The following SLC35F1 variants were observed in gnomAD, a reference collection of about 807,000 sequenced individuals.
SLC35F1 encodes the protein solute carrier family 35 member F1.
Under a neutral mutation model 48.7 loss-of-function variants are expected in SLC35F1, and 14 were observed. The ratio of observed to expected loss-of-function variants is 0.29; its 90% CI spans 0.19 to 0.45. The LOEUF is 0.45. SLC35F1 is among the 20% of genes least tolerant of loss of function. SLC35F1 has a pLI of 1.00. For synonymous variants in SLC35F1, 190 were observed against 202.2 expected, an observed-to-expected ratio of 0.94 and a Z score of 0.51; for missense variants, 404 against 500.0, an observed-to-expected ratio of 0.81 and a Z score of 1.83.
intron 1 of SLC35F1, among the ~76,000 whole-genome samples, chr6:117,937,575 C>G (rs919121692): frequency 3.3e-5 from 5 of 152,048 alleles, no homozygotes; most frequent in Admixed American, 1.3e-4. Flanking sequence ...GATAATAAAT[C>G]AAGAAATACT....
chr6:117,912,518 CTT>C (rs1197654312), intron 1 of SLC35F1, among the ~76,000 whole-genome samples: 4 of 152,068 alleles, frequency 2.6e-5, no homozygotes, highest in Non-Finnish European at 5.9e-5. Context: ...AGTGAGAAGG[CTT>C]TTGTTAGGAA....
chr6:117,969,619 G>A (rs1206433204), intron 1 of SLC35F1, among the ~76,000 whole-genome samples: 2 of 152,118 alleles, frequency 1.3e-5, no homozygotes, highest in Non-Finnish European at 2.9e-5. Flanking sequence ...GGAGGGTGAG[G>A]TGAAAGTATC....
intron 1 of SLC35F1, among the ~76,000 whole-genome samples, chr6:118,094,992 C>T (rs924517376): frequency 2.0e-5 from 3 of 149,452 alleles, no homozygotes; most frequent in African/African-American, 7.4e-5. Context: ...AGTAGCCAGG[C>T]ATGATGGTGT....
chr6:117,939,363 T>A (rs1475680895), intron 1 of SLC35F1, among the ~76,000 whole-genome samples: 1 of 152,218 alleles, frequency 6.6e-6, no homozygotes, highest in South Asian at 2.1e-4. Context: ...CCCAGACAGA[T>A]CTGAGTCTGA....
In SLC35F1 at chr6:118,235,642, C is replaced by T. The variant is rs1775354863; in HGVS notation, c.477+6C>T. On this transcript the variant is annotated splice_donor_region_variant and intron_variant, in intron 3 of 7. Transcript: ENST00000360388. The stretch of plus-strand genomic sequence containing the variant: ...CAACTCTGACCAGTATCCAGGTACC[C>T]ATGGTTCTTCTTCCCTTCTCAACTT... 11 of 1,609,650 alleles carry T rather than the reference C, an allele frequency of 6.8e-6. No homozygotes were observed. The highest frequency in any genetic ancestry group is 1.3e-5 in the African/African-American group (1 of 74,810).
At chr6:118,119,617 C>CTGGG (rs1388950503) in intron 1 of SLC35F1, among the ~76,000 whole-genome samples, 1 of 151,370 alleles carries the variant, frequency 6.6e-6, no homozygotes, top group Non-Finnish European at 1.5e-5. Flanking sequence ...GATTCTCCTG[C>CTGGG]CTCAGCCTCC....
At chr6:118,251,428 A>G (rs1775573663) in intron 3 of SLC35F1, among the ~76,000 whole-genome samples, 1 of 152,204 alleles carries the variant, frequency 6.6e-6, no homozygotes. Context: ...GTTGTACAAC[A>G]AATCTCTAAA....
chr6:118,018,274 G>T (rs999136305), intron 1 of SLC35F1, among the ~76,000 whole-genome samples: 1 of 152,074 alleles, frequency 6.6e-6, no homozygotes, highest in Non-Finnish European at 1.5e-5. Context: ...GGGAGGTTGA[G>T]GCAGGAGAAT....
chr6:118,189,016 A>G (rs991604375), intron 2 of SLC35F1, among the ~76,000 whole-genome samples: 1 of 152,072 alleles, frequency 6.6e-6, no homozygotes, highest in Non-Finnish European at 1.5e-5. Flanking sequence ...GGCTCGAGCA[A>G]TCCTCCCACC....
chr6:118,078,203 A>G (rs915068003), intron 1 of SLC35F1, among the ~76,000 whole-genome samples: 1 of 152,232 alleles, frequency 6.6e-6, no homozygotes, highest in Non-Finnish European at 1.5e-5. Context: ...CAAAGTTTAT[A>G]GAAATAACGT....
intron 1 of SLC35F1, among the ~76,000 whole-genome samples, chr6:118,034,092 C>CT (rs1207656693): frequency 6.6e-6 from 1 of 152,098 alleles, no homozygotes; most frequent in Non-Finnish European, 1.5e-5. Flanking sequence ...CTTTTTAGTA[C>CT]TTTTTGCCAT....
rs749929460 is a variant in SLC35F1 at position 117,907,820 on chromosome 6, G to C, written c.94G>C (p.Glu32Gln). The C allele has an allele frequency of 2.3e-5, 36 of 1,547,650 alleles. No individual in the cohort carries two copies. The highest frequency in any genetic ancestry group is 8.5e-5 in the African/African-American group (6 of 70,382). ...VVTTIENLPA[E>Q]GSGGGGSLSA... ...GACCACCATCGAGAACCTGCCGGCC[G>C]AGGGCAGCGGCGGCGGCGGGAGCCT... Residue 32 changes from glutamate to glutamine, a missense_variant, in exon 1 of 8, where the codon GAG (glutamate) becomes CAG (glutamine). This residue lies in a region of SLC35F1 where 98 missense variants were observed against 81.0 expected (regional missense o/e 1.21). Coordinates refer to ENST00000360388, the MANE Select transcript of SLC35F1 (RefSeq NM_001029858.4).
chr6:118,069,211 T>C (rs969462758), intron 1 of SLC35F1, among the ~76,000 whole-genome samples: 4 of 152,242 alleles, frequency 2.6e-5, no homozygotes, highest in Non-Finnish European at 4.4e-5. Flanking sequence ...AATATACAAC[T>C]ATTTCTTTGA....
chr6:118,107,743 CTG>C (rs149450907), intron 1 of SLC35F1, among the ~76,000 whole-genome samples: 7 of 150,386 alleles, frequency 4.7e-5, no homozygotes, highest in South Asian at 4.2e-4. Context: ...GTGTGTGTGT[CTG>C]TGTGTGTGTG....
At chr6:118,067,898 C>T (rs749699089) in intron 1 of SLC35F1, among the ~76,000 whole-genome samples, 2 of 152,050 alleles carry the variant, frequency 1.3e-5, no homozygotes, top group African/African-American at 4.8e-5. Flanking sequence ...AACAAGTTCA[C>T]GGTGGTATTA....
chr6:118,184,368 A>G (rs912141813), intron 2 of SLC35F1, among the ~76,000 whole-genome samples: 1 of 152,196 alleles, frequency 6.6e-6, no homozygotes. Flanking sequence ...AAGCTCCACC[A>G]CAGTGTGGAA....
At chr6:118,144,404 A>C (rs1773939584) in intron 1 of SLC35F1, among the ~76,000 whole-genome samples, 1 of 150,302 alleles carries the variant, frequency 6.7e-6, no homozygotes, top group East Asian at 2.0e-4. Context: ...ACATGGACAC[A>C]GGGAGGGAAA....
chr6:118,073,257 C>T lies in SLC35F1; in HGVS notation c.174-81188C>T, dbSNP rs9374713. ...TATGAAATAGAGGCTAAAATATAGC[C>T]GAATGGTTAAGAGTTCTGATTTTGG... On this transcript the variant is annotated intron_variant, in intron 1 of 7. Transcript: ENST00000360388. Among the ~76,000 whole-genome samples, 45 of 152,160 alleles carry T rather than the reference C, an allele frequency of 3.0e-4. No individual in the cohort carries two copies. The East Asian group carries it at 8.5e-3, about 29-fold the overall frequency.
intron 1 of SLC35F1, among the ~76,000 whole-genome samples, chr6:117,978,233 T>TC (rs972419107): frequency 3.3e-5 from 5 of 152,170 alleles, no homozygotes; most frequent in Admixed American, 2.6e-4. Context: ...GGGCCTATTT[T>TC]CTCTTTGGTT....
Sources: allele counts gnomAD v4.1 joint callset (sites outside exome capture counted in the v4.1 genomes callset), GRCh38; gene constraint gnomAD v4.1.1; regional missense constraint gnomAD v4.1.1; transcripts MANE v1.5; gene names NCBI Gene and HGNC (gene_info 2026-07-23, HGNC 2026-07-21).